Variants in AARSD1 observed in about 807,000 individuals in gnomAD.
The protein encoded by AARSD1 is alanyl-tRNA editing protein Aarsd1.
A neutral mutation model predicts 48.7 loss-of-function variants in AARSD1; 44 were observed. The observed-to-expected ratio is 0.90, with a 90% CI of 0.71 to 1.16. The LOEUF (loss-of-function observed/expected upper bound fraction) is 1.16, where lower values mean the gene tolerates loss of function less well. AARSD1 is among the 50% of genes most tolerant of loss of function. AARSD1 has a pLI of 0.00. For missense variants in AARSD1, 511 were observed against 523.1 expected, an observed-to-expected ratio of 0.98 and a Z score of 0.23; for synonymous variants, 189 against 194.9, an observed-to-expected ratio of 0.97 and a Z score of 0.25.
At position 42,950,752 on chromosome 17, in the gene AARSD1, GGA is replaced by G. The variant is rs776165613; in HGVS notation, c.1104-26_1104-25del. 8 of 1,589,662 alleles carry G rather than the reference GGA, an allele frequency of 5.0e-6. No individual in the cohort carries two copies. In the South Asian group the frequency reaches 8.0e-5, roughly 16 times the overall value. ...CCCTGGGGAACAGAGGTATAGTCAG[GGA>G]GACTTTGAGGGAAAAGTCACAAAAA... On this transcript the variant is annotated intron_variant, in intron 11 of 11. Coordinates refer to ENST00000427569, the MANE Select transcript of AARSD1 (RefSeq NM_001261434.2).
At chr17:42,955,690 C>T in intron 7 of AARSD1, 152 bp downstream of exon 7, 2 of 1,363,218 alleles carry the variant, frequency 1.5e-6, no homozygotes, top group South Asian at 2.7e-5. Flanking sequence ...ATCCGCCCAC[C>T]TCGGCCTCCC....
intron 10 of AARSD1, among the ~76,000 whole-genome samples, chr17:42,953,089 C>T (rs2049500891): frequency 6.6e-6 from 1 of 152,234 alleles, no homozygotes; most frequent in Admixed American, 6.5e-5. Context: ...AAGAGATTCT[C>T]ATGCCTCAGC....
chr17:42,960,661 G>A (rs1257490785), intron 3 of AARSD1, among the ~76,000 whole-genome samples: 1 of 150,804 alleles, frequency 6.6e-6, no homozygotes, highest in African/African-American at 2.5e-5. Context: ...GGCAGAGGTT[G>A]CAGTGAGCCG....
chr17:42,963,206 G>A lies in AARSD1; in HGVS notation c.171+900C>T, dbSNP rs57311246. On this transcript the variant is annotated intron_variant, in intron 2 of 11. Transcript: ENST00000427569. ...AGTGATTCTCATGCCTCAGCCTCCC[G>A]AGTAGCTGGGACTACAGGGGCCTGC... Among the ~76,000 whole-genome samples, 2 of 148,998 alleles carry A rather than the reference G, an allele frequency of 1.3e-5. 1 individual carries two copies. The highest frequency in any genetic ancestry group is 4.4e-4 in the South Asian group (2 of 4,496).
intron 4 of AARSD1, 115 bp downstream of exon 4, chr17:42,957,023 C>T (rs965957248): frequency 3.0e-5 from 33 of 1,102,620 alleles, no homozygotes; most frequent in Non-Finnish European, 4.1e-5. Context: ...CATTTGGTGG[C>T]AATCACAGCT....
Position 42,950,687 on chromosome 17 carries a change from C to T in AARSD1, c.1145G>A (p.Gly382Asp), listed in dbSNP as rs373757316. The T allele has an allele frequency of 1.2e-6, 2 of 1,613,854 alleles. No individual in the cohort carries two copies. Among genetic ancestry groups the T allele is most frequent in the Non-Finnish European group, 1.7e-6 (2 of 1,180,012 alleles). The change falls in exon 12 of 12, where the codon GGC (glycine) becomes GAC (aspartate). Residue 382 changes from glycine to aspartate, a missense_variant. Physicochemically the swap from Gly to Asp is moderately conservative, Grantham distance 94 (BLOSUM62 -1). Coordinates refer to ENST00000427569, the MANE Select transcript of AARSD1 (RefSeq NM_001261434.2). Reference protein sequence around the residue: ...VLEGKGAGKKGRFQGKATKMS... With the variant: ...VLEGKGAGKKDRFQGKATKMS... ...CTTGGTGGCCTTGCCCTGAAAACGG[C>T]CTTTCTTCCCTGCTCCTTTGCCTTC...
rs187543877 is a variant in AARSD1, at chr17:42,961,145, A to G, written c.331+47T>C. 4.0e-5 allele frequency: 63 copies of G among 1,572,122 alleles called. No individual in the cohort carries two copies. In the East Asian group the frequency reaches 1.4e-3, roughly 34 times the overall value. On this transcript the variant is annotated intron_variant, in intron 3 of 11. Transcript: ENST00000427569. ...ACGTCTCAGTCATCACAGCATCCCC[A>G]TACATGGCAACTGCTCCGGTGTTAT...
intron 7 of AARSD1, chr17:42,955,551 G>A (rs1439632061): frequency 6.7e-6 from 3 of 446,834 alleles, no homozygotes; most frequent in South Asian, 2.4e-5. Flanking sequence ...CCATTCTCCT[G>A]CCTCAGCCTC....
chr17:42,959,632 A>G (rs1181319579), intron 3 of AARSD1, among the ~76,000 whole-genome samples: 4 of 151,230 alleles, frequency 2.6e-5, no homozygotes, highest in African/African-American at 4.9e-5. Flanking sequence ...TGCTAGGACT[A>G]CAGCAGTGAG....
intron 3 of AARSD1, among the ~76,000 whole-genome samples, chr17:42,959,811 G>C (rs1179274986): frequency 6.6e-6 from 1 of 151,588 alleles, no homozygotes; most frequent in Non-Finnish European, 1.5e-5. Context: ...CTACAGGCGC[G>C]CATCACCATG....
intron 6 of AARSD1, 69 bp downstream of exon 6, chr17:42,956,135 C>T: frequency 1.2e-6 from 2 of 1,612,094 alleles, no homozygotes; most frequent in Non-Finnish European, 1.7e-6. Context: ...CTCTCCCACT[C>T]CCAGCCCCAT....
chr17:42,956,882 T>A (rs564369546), intron 4 of AARSD1, among the ~76,000 whole-genome samples: 8 of 148,222 alleles, frequency 5.4e-5, no homozygotes, highest in Admixed American at 1.4e-4. Context: ...TTAGCCAGGA[T>A]GGTCTCGATC....
Position 42,955,903 on chromosome 17 carries a change from G to A in AARSD1, c.733C>T (p.Arg245Trp), listed in dbSNP as rs201941576. Residue 245 changes from arginine to tryptophan, a missense_variant, in exon 7 of 12, where the codon CGG becomes TGG. Arg to Trp is a moderately radical substitution (Grantham distance 101). Transcript: ENST00000427569. Reference sequence around the variant, plus strand: ...CTTCTCTCCATCCACTTCAGCACCCGGTTCCCAGACAGAAATATCAGGTTG... The same window carrying A: ...CTTCTCTCCATCCACTTCAGCACCCAGTTCCCAGACAGAAATATCAGGTTG... ...RTNLIFLSGNRVLKWMERSHG... is the reference protein window; with the variant it reads ...RTNLIFLSGNWVLKWMERSHG... 585 of 1,614,046 alleles carry A rather than the reference G, an allele frequency of 3.6e-4. 9 individuals are homozygous for A. The South Asian group carries it at 4.6e-3, about 13-fold the overall frequency.
Position 42,955,928 on chromosome 17 carries a change from G to A in AARSD1, c.708C>T (p.Thr236=). 3 of 1,614,030 alleles carry A rather than the reference G, an allele frequency of 1.9e-6. No individual in the cohort carries two copies. Among genetic ancestry groups the A allele is most frequent in the Non-Finnish European group, 2.5e-6 (3 of 1,180,008 alleles). The change falls in exon 7 of 12, where the codon ACC becomes ACT. Residue 236 remains threonine, a synonymous_variant. Coordinates refer to ENST00000427569, the MANE Select transcript of AARSD1 (RefSeq NM_001261434.2). ...LGTEKGKKNR[T]NLIFLSGNRV... The stretch of plus-strand genomic sequence containing the variant: ...GGTTCCCAGACAGAAATATCAGGTT[G>A]GTTCTGTTCTTTTTCCCCTTCTCAG...
chr17:42,962,597 T>C (rs962532571), intron 2 of AARSD1, among the ~76,000 whole-genome samples: 1 of 152,362 alleles, frequency 6.6e-6, no homozygotes, highest in Non-Finnish European at 1.5e-5. Context: ...CTATGGATAC[T>C]TGAGGTCACA....
rs2049675641 is a variant in AARSD1, at chr17:42,964,010, C to T, written c.171+96G>A. ...CAAAATGAATTAAACTAAAGCTCATCTGAATTCATTATGGCTGAGAAAAAA... is the reference window on the plus strand; with the variant it reads ...CAAAATGAATTAAACTAAAGCTCATTTGAATTCATTATGGCTGAGAAAAAA... On this transcript the variant is annotated intron_variant, in intron 2 of 11. Transcript: ENST00000427569. 7.7e-6 allele frequency: 12 copies of T among 1,559,804 alleles called. No individual in the cohort carries two copies. The East Asian group carries it at 1.4e-4, about 18-fold the overall frequency.
chr17:42,951,923 T>C lies in AARSD1; in HGVS notation c.1009-29A>G, dbSNP rs1020923560. On this transcript the variant is annotated intron_variant, in intron 10 of 11. Transcript: ENST00000427569. ...GGAGGTAAGACAAGGAGATAAGCTC[T>C]GATACTGAAGGATGTAGAGTCAACC... 3.1e-6 allele frequency: 5 copies of C among 1,610,158 alleles called. No individual in the cohort carries two copies. In the Admixed American group the frequency reaches 5.0e-5, roughly 16 times the overall value.
At chr17:42,960,229 T>C (rs1231830716) in intron 3 of AARSD1, among the ~76,000 whole-genome samples, 1 of 151,236 alleles carries the variant, frequency 6.6e-6, no homozygotes, top group African/African-American at 2.4e-5. Context: ...GATCATGCCA[T>C]TGCACTCCAG....
intron 3 of AARSD1, 80 bp from the exon 4 acceptor site, chr17:42,957,275 TA>T: frequency 6.4e-7 from 1 of 1,569,974 alleles, no homozygotes; most frequent in Non-Finnish European, 8.7e-7. Context: ...GCTACAATGA[TA>T]AAAGCACAGA....
Sources: gnomAD v4.1 joint callset for allele counts (sites outside exome capture counted in the v4.1 genomes callset) on GRCh38, gnomAD v4.1.1 for gene constraint, MANE v1.5 for transcripts, NCBI Gene and HGNC (gene_info 2026-07-23, HGNC 2026-07-21) for gene names.